The following SOAT2 variants were observed in gnomAD, a reference collection of about 807,000 sequenced individuals.
SOAT2 encodes sterol O-acyltransferase 2.
SOAT2 carries 87 observed loss-of-function variants against 76.0 expected under a neutral mutation model. The observed-to-expected ratio is 1.14, with a 90% CI of 0.96 to 1.37. The LOEUF (loss-of-function observed/expected upper bound fraction) is 1.37, where lower values mean the gene tolerates loss of function less well. Ranked by LOEUF, SOAT2 falls within the 40% of genes most tolerant of loss-of-function variation. The pLI, the probability that SOAT2 is intolerant of heterozygous loss-of-function variation, is 0.00. For synonymous variants in SOAT2, 285 were observed against 275.4 expected (o/e 1.03, Z -0.34); for missense variants, 686 against 682.1 (o/e 1.01, Z -0.06).
chr12:53,114,651 G>C (rs1938075738), intron 5 of SOAT2, among the ~76,000 whole-genome samples: 1 of 152,124 alleles, frequency 6.6e-6, no homozygotes, highest in African/African-American at 2.4e-5. Flanking sequence ...AACCCGGGAG[G>C]CGGAGGTTGC....
chr12:53,116,126 C>G lies in SOAT2; in HGVS notation c.738C>G (p.Phe246Leu). ...GGTTCCTGATGAAAAGCTACTCCTT[C>G]CTGAGAGAGGCTGTGCCTGGGACCC... ...QVRFLMKSYS[F>L]LREAVPGTLR... The change falls in exon 7 of 15, where the codon TTC becomes TTG. Residue 246 changes from phenylalanine (F) to leucine (L), a missense_variant. Physicochemically the swap from Phe to Leu is conservative, Grantham distance 22. Transcript: ENST00000301466. 2 of 1,614,214 alleles carry G rather than the reference C, an allele frequency of 1.2e-6. No homozygotes were observed. Among genetic ancestry groups the G allele is most frequent in the Non-Finnish European group, 1.7e-6 (2 of 1,180,016 alleles).
At position 53,116,077 on chromosome 12, in the gene SOAT2, C is replaced by T. The variant is rs147606455; in HGVS notation, c.709-20C>T. 9,856 of 1,611,838 alleles carry T rather than the reference C, an allele frequency of 6.1e-3. 51 individuals are homozygous for T. The highest frequency in any genetic ancestry group is 7.2e-3 in the Non-Finnish European group (8,474 of 1,177,880). ...TTAAAGCCACACAGCAACTTTTCCT[C>T]CCCTTCCATTCTGCCACAGGTTAGG... On this transcript the variant is annotated intron_variant, in intron 6 of 14. Coordinates refer to ENST00000301466, the MANE Select transcript of SOAT2 (RefSeq NM_003578.4).
intron 5 of SOAT2, among the ~76,000 whole-genome samples, chr12:53,108,865 A>G (rs1259210626): frequency 1.3e-5 from 2 of 152,240 alleles, no homozygotes; most frequent in East Asian, 3.8e-4. Context: ...TTGTTTATGG[A>G]TGACAAACAG....
At chr12:53,123,675 A>G in intron 13 of SOAT2, 53 bp from the exon 14 acceptor site, 2 of 1,608,586 alleles carry the variant, frequency 1.2e-6, no homozygotes, top group African/African-American at 1.3e-5. Flanking sequence ...GAGGGAAGCC[A>G]GGGAGACAAG....
Position 53,121,351 on chromosome 12 carries a change from G to C in SOAT2, c.1186G>C (p.Val396Leu), listed in dbSNP as rs754535786. 8.1e-6 allele frequency: 13 copies of C among 1,614,058 alleles called. No homozygotes were observed. The highest frequency in any genetic ancestry group is 6.6e-5 in the South Asian group (6 of 91,092). ...SFSNYYRTWN[V>L]VVHDWLYSYV... The stretch of plus-strand genomic sequence containing the variant: ...CTCCAACTACTACCGCACTTGGAAC[G>C]TGGTGGTCCATGACTGGCTGTACAG... Residue 396 changes from valine to leucine, a missense_variant, in exon 12 of 15, where the codon GTG (valine) becomes CTG (leucine). Transcript: ENST00000301466.
At chr12:53,113,357 A>C (rs1938052649) in intron 5 of SOAT2, among the ~76,000 whole-genome samples, 2 of 152,156 alleles carry the variant, frequency 1.3e-5, no homozygotes, top group African/African-American at 4.8e-5. Context: ...TCTGCTTCTG[A>C]TCTCTGTTCT....
At chr12:53,104,608 G>A (rs980550325) in intron 2 of SOAT2, among the ~76,000 whole-genome samples, 4 of 152,078 alleles carry the variant, frequency 2.6e-5, no homozygotes, top group South Asian at 2.1e-4. Flanking sequence ...GATCGGATTC[G>A]AATTAAGGAT....
At chr12:53,120,965 G>C in intron 11 of SOAT2, 82 bp downstream of exon 11, 2 of 1,054,098 alleles carry the variant, frequency 1.9e-6, no homozygotes, top group Non-Finnish European at 3.0e-6. Context: ...AGCCAGGTTG[G>C]GTGTCACTTC....
chr12:53,115,253 C>A (rs1938082560), intron 5 of SOAT2, 137 bp from the exon 6 acceptor site: 2 of 981,854 alleles, frequency 2.0e-6, no homozygotes, highest in African/African-American at 3.3e-5. Context: ...GAGGTGCCGT[C>A]TTGAACACCT....
intron 5 of SOAT2, among the ~76,000 whole-genome samples, chr12:53,112,907 G>C (rs887490713): frequency 6.6e-6 from 1 of 150,742 alleles, no homozygotes; most frequent in African/African-American, 2.4e-5. Context: ...AGCCTCCCAA[G>C]TAGCTGGGAT....
At chr12:53,123,910 T>C in intron 14 of SOAT2, 37 bp downstream of exon 14, 1 of 1,613,456 alleles carries the variant, frequency 6.2e-7, no homozygotes, top group Non-Finnish European at 8.5e-7. Context: ...TCCCCATCCA[T>C]GAGGACACAC....
At chr12:53,115,721 A>G in intron 6 of SOAT2, 67 bp downstream of exon 6, 1 of 1,433,978 alleles carries the variant, frequency 7.0e-7, no homozygotes, top group Non-Finnish European at 9.1e-7. Context: ...GCAGAGGGGG[A>G]GTCCCCCAAA....
rs757165739 is a variant in SOAT2, at chr12:53,121,261, T to C, written c.1138-42T>C. ...TGGGGAGGAGCCGGAACCCAGATGC[T>C]TGCTTACCTCCTTTCCCCCACTCTG... On this transcript the variant is annotated intron_variant, in intron 11 of 14. Transcript: ENST00000301466. 8.9e-6 allele frequency: 13 copies of C among 1,454,698 alleles called. No homozygotes were observed. In the East Asian group the frequency reaches 2.3e-4, roughly 25 times the overall value. 90.1% of individuals were successfully genotyped at this position (1,454,698 alleles called of 1,614,324 possible). A position where few individuals can be genotyped will look rare whatever the true frequency, so the allele number is the denominator to read the frequency against.
In SOAT2 at chr12:53,123,958, C is replaced by T. The variant is rs1004445357; in HGVS notation, c.1518+85C>T. ...AGTCCCTCCTTGTTCCCCAACTCACCGGCCACAGTCAGGCACCAGGGCCTG... is the reference window on the plus strand; with the variant it reads ...AGTCCCTCCTTGTTCCCCAACTCACTGGCCACAGTCAGGCACCAGGGCCTG... On this transcript the variant is annotated intron_variant, in intron 14 of 14. Coordinates refer to ENST00000301466, the MANE Select transcript of SOAT2 (RefSeq NM_003578.4). 67 of 1,603,658 alleles carry T rather than the reference C, an allele frequency of 4.2e-5. No homozygotes were observed. The Middle Eastern group carries it at 6.6e-4, about 16-fold the overall frequency.
Position 53,115,666 on chromosome 12 carries a change from G to A in SOAT2, c.708+12G>A. On this transcript the variant is annotated intron_variant, in intron 6 of 14. Coordinates refer to ENST00000301466, the MANE Select transcript of SOAT2 (RefSeq NM_003578.4). ...TGGTCTTCGAGCAGGTGAGGGCCGA[G>A]CCCTGCTGACGGACAGGAAGGAACC... The A allele has an allele frequency of 6.6e-7, 1 of 1,504,108 alleles. No homozygotes were observed. The highest frequency in any genetic ancestry group is 8.8e-7 in the Non-Finnish European group (1 of 1,132,374). The allele number at this position is 1,504,108 out of a possible 1,614,324, so 93.2% of individuals were successfully genotyped here. A position where few individuals can be genotyped will look rare whatever the true frequency, so the allele number is the denominator to read the frequency against.
At chr12:53,123,605 G>A in intron 13 of SOAT2, 123 bp from the exon 14 acceptor site, 1 of 1,200,062 alleles carries the variant, frequency 8.3e-7, no homozygotes. Context: ...CTGCACCTGA[G>A]TTCAAGATCT....
chr12:53,115,327 G>A, intron 5 of SOAT2, 63 bp from the exon 6 acceptor site: 4 of 1,505,244 alleles, frequency 2.7e-6, no homozygotes, highest in Non-Finnish European at 3.5e-6. Flanking sequence ...AGCTCAGACT[G>A]AAGAGGAAGG....
At chr12:53,121,594 T>C (rs1379653677) in intron 12 of SOAT2, among the ~76,000 whole-genome samples, 193 bp downstream of exon 12, 3 of 152,148 alleles carry the variant, frequency 2.0e-5, no homozygotes, top group Non-Finnish European at 4.4e-5. Context: ...ATCTTAACTT[T>C]CTTCCATCTT....
At chr12:53,105,880 C>A in intron 4 of SOAT2, 27 bp from the exon 5 acceptor site, 1 of 1,345,790 alleles carries the variant, frequency 7.4e-7, no homozygotes, top group Non-Finnish European at 9.7e-7. Flanking sequence ...CCCTCCCACA[C>A]TGACTTTCGG....
Sources: allele counts gnomAD v4.1 joint callset (sites outside exome capture counted in the v4.1 genomes callset), GRCh38; gene constraint gnomAD v4.1.1; transcripts MANE v1.5; gene names NCBI Gene and HGNC (gene_info 2026-07-23, HGNC 2026-07-21).